SPTAN1: variants seen among roughly 807,000 people sequenced by gnomAD.
The protein encoded by SPTAN1 is spectrin alpha chain, non-erythrocytic 1.
In SPTAN1, 61 loss-of-function variants were observed where a neutral mutation model predicts 331.3. The ratio of observed to expected loss-of-function variants is 0.18; its 90% confidence interval spans 0.15 to 0.23. SPTAN1 has a LOEUF of 0.23. Among genes scored for constraint, SPTAN1 ranks in the 10% least tolerant of loss-of-function variants. SPTAN1 has a pLI of 1.00. For synonymous variants in SPTAN1, 1,153 were observed against 1,173.9 expected (o/e 0.98, Z 0.36); for missense variants, 2,043 against 3,147.9 (o/e 0.65, Z 8.40).
rs1443082606 is a variant in SPTAN1 at position 128,570,324 on chromosome 9, ATATATATTTTTTTTTT to A, written c.363+1429_363+1444del. On this transcript the variant is annotated intron_variant, in intron 3 of 56. Transcript: ENST00000372739. Reference sequence around the variant, plus strand: ...ACAGCTTATATATATATATATATATATATATATTTTTTTTTTTTTTTTTTTTTTTTGAGACGAAGTT... The same window carrying A: ...ACAGCTTATATATATATATATATATATTTTTTTTTTTTTTGAGACGAAGTT... Among the ~76,000 whole-genome samples, 101 of 32,230 alleles carry A rather than the reference ATATATATTTTTTTTTT, an allele frequency of 3.1e-3. 1 individual carries two copies. The highest frequency in any genetic ancestry group is 0.011 in the African/African-American group (99 of 9,134). 21.1% of individuals were successfully genotyped at this position (32,230 alleles called of 152,430 possible).
intron 31 of SPTAN1, among the ~76,000 whole-genome samples, chr9:128,606,788 CTT>C (rs1007069500): frequency 2.6e-5 from 4 of 152,122 alleles, no homozygotes; most frequent in African/African-American, 9.6e-5. Context: ...GCCTGGTTGT[CTT>C]TTTCTTCTTT....
rs752878085 is a variant in SPTAN1 at position 128,633,295 on chromosome 9, C to T, written c.7395C>T (p.Phe2465=). 5.7e-5 allele frequency: 92 copies of T among 1,613,914 alleles called. No homozygotes were observed. The highest frequency in any genetic ancestry group is 1.6e-4 in the East Asian group (7 of 44,888). Reference sequence around the variant, plus strand: ...AGGGCCGCGAGCTCCCCACCGCGTTCGACTACGTGGAGTTCACCCGCTCGC... The same window carrying T: ...AGGGCCGCGAGCTCCCCACCGCGTTTGACTACGTGGAGTTCACCCGCTCGC... ...DGKGRELPTA[F]DYVEFTRSLF... Residue 2465 remains phenylalanine, a synonymous_variant, in exon 57 of 57, where the codon TTC becomes TTT. Transcript: ENST00000372739.
chr9:128,587,713 G>A lies in SPTAN1; in HGVS notation c.2871+15G>A, dbSNP rs771636267. 1.2e-6 allele frequency: 2 copies of A among 1,612,682 alleles called. No homozygotes were observed. Among genetic ancestry groups the A allele is most frequent in the African/African-American group, 2.7e-5 (2 of 74,904 alleles). On this transcript the variant is annotated intron_variant, in intron 20 of 56. Coordinates refer to ENST00000372739, the MANE Select transcript of SPTAN1 (RefSeq NM_001130438.3). Reference sequence around the variant, plus strand: ...AGTCCTGCCGGGTAAACTTGTAACAGTTTATGGGTTACTGGAGGGAGGCCT... The same window carrying A: ...AGTCCTGCCGGGTAAACTTGTAACAATTTATGGGTTACTGGAGGGAGGCCT...
chr9:128,607,795 T>C, intron 32 of SPTAN1, 57 bp from the exon 33 acceptor site: 1 of 1,612,000 alleles, frequency 6.2e-7, no homozygotes, highest in South Asian at 1.1e-5. Flanking sequence ...AGTCGGTGGT[T>C]GACGTCAGAG....
intron 2 of SPTAN1, 100 bp from the exon 3 acceptor site, chr9:128,568,672 G>C (rs1470405471): frequency 6.6e-7 from 1 of 1,526,502 alleles, no homozygotes; most frequent in Non-Finnish European, 9.0e-7. Flanking sequence ...CCTAACTAGA[G>C]GGAGCAGGAT....
chr9:128,586,744 T>C (rs1852691312), intron 19 of SPTAN1, among the ~76,000 whole-genome samples: 1 of 152,170 alleles, frequency 6.6e-6, no homozygotes, highest in Non-Finnish European at 1.5e-5. Context: ...ATTTTATTCA[T>C]AAAGGTCTAG....
Position 128,577,454 on chromosome 9 carries a change from C to G in SPTAN1, c.1033C>G (p.Gln345Glu). The G allele has an allele frequency of 6.2e-7, 1 of 1,614,162 alleles. No individual in the cohort carries two copies. Among genetic ancestry groups the G allele is most frequent in the Non-Finnish European group, 8.5e-7 (1 of 1,180,028 alleles). ...KREELITNWEQIRTLAAERHA... is the reference protein window; with the variant it reads ...KREELITNWEEIRTLAAERHA... ...AGAGGAACTGATTACAAACTGGGAGCAGATCCGCACCTTGGCGGCAGAGAG... is the reference window on the plus strand; with the variant it reads ...AGAGGAACTGATTACAAACTGGGAGGAGATCCGCACCTTGGCGGCAGAGAG... The change falls in exon 8 of 57, where the codon CAG (glutamine) becomes GAG (glutamate). Residue 345 changes from glutamine (Q) to glutamate (E), a missense_variant. Physicochemically the swap from Gln to Glu is conservative, Grantham distance 29 (BLOSUM62 2). Around this residue, in one of 12 missense-constraint regions of SPTAN1, gnomAD observed 1,038 missense variants for 1,531.5 expected, o/e 0.68. Coordinates refer to ENST00000372739, the MANE Select transcript of SPTAN1 (RefSeq NM_001130438.3). This position sits in a 1 kb window ranked among gnomAD's most constrained non-coding sequence, Gnocchi z 4.2.
At chr9:128,574,926 A>G (rs2130969378) in intron 4 of SPTAN1, 111 bp downstream of exon 4, 1 of 1,503,250 alleles carries the variant, frequency 6.7e-7, no homozygotes, top group East Asian at 2.3e-5. Context: ...CATTTTAAGT[A>G]AAAGGGTGGA....
chr9:128,581,025 C>T lies in SPTAN1; in HGVS notation c.1427C>T (p.Thr476Ile). The change falls in exon 11 of 57, where the codon ACT becomes ATT. Residue 476 changes from threonine to isoleucine, a missense_variant. This residue lies in a region of SPTAN1 where 1,038 missense variants were observed against 1,531.5 expected (regional missense o/e 0.68). Coordinates refer to ENST00000372739, the MANE Select transcript of SPTAN1 (RefSeq NM_001130438.3). The stretch of plus-strand genomic sequence containing the variant: ...GACCTGCAGCTCTTCTACCGGGACA[C>T]TGAGCAGGTGGACAACTGGATGAGC... ...CMDLQLFYRD[T>I]EQVDNWMSKQ... 1.2e-6 allele frequency: 2 copies of T among 1,614,128 alleles called. No homozygotes were observed. Among genetic ancestry groups the T allele is most frequent in the South Asian group, 1.1e-5 (1 of 91,084 alleles).
At chr9:128,614,346 C>G (rs1346115520) in intron 40 of SPTAN1, among the ~76,000 whole-genome samples, 2 of 152,090 alleles carry the variant, frequency 1.3e-5, no homozygotes, top group East Asian at 3.9e-4. Context: ...AATCGTAGCA[C>G]TTTGGGAGGC....
Position 128,629,265 on chromosome 9 carries a change from T to G in SPTAN1, c.6708-1056T>G. 2.5e-6 allele frequency: 1 copy of G among 397,856 alleles called. No homozygotes were observed. The highest frequency in any genetic ancestry group is 4.4e-6 in the Non-Finnish European group (1 of 225,672). The allele number at this position is 397,856 out of a possible 1,614,324, so 24.6% of individuals were successfully genotyped here. Reference sequence around the variant, plus strand: ...TTGACATCCCCAGGCGGCTCCACCCTGACTAACCTGCCGCCCTCGGCTGCT... The same window carrying G: ...TTGACATCCCCAGGCGGCTCCACCCGGACTAACCTGCCGCCCTCGGCTGCT... On this transcript the variant is annotated intron_variant, in intron 51 of 56. Transcript: ENST00000372739. The surrounding 1 kb of genome is among the most constrained non-coding windows in gnomAD (Gnocchi z 4.9).
At chr9:128,621,029 C>A in intron 44 of SPTAN1, 129 bp from the exon 45 acceptor site, 1 of 773,094 alleles carries the variant, frequency 1.3e-6, no homozygotes, top group Non-Finnish European at 2.3e-6. Context: ...TTATTATCCT[C>A]TTCCCCAGCT....
intron 25 of SPTAN1, 68 bp from the exon 26 acceptor site, chr9:128,598,895 A>G: frequency 2.8e-6 from 4 of 1,446,954 alleles, no homozygotes; most frequent in South Asian, 2.3e-5. Context: ...AGGTTTGGCC[A>G]TAATAAGTAT....
intron 56 of SPTAN1, 23 bp downstream of exon 56, chr9:128,632,978 G>A (rs965826783): frequency 1.2e-6 from 2 of 1,608,992 alleles, no homozygotes; most frequent in Non-Finnish European, 1.7e-6. Flanking sequence ...GGAGGTGGGT[G>A]AAGAGGTGTC....
chr9:128,616,227 T>G (rs1857152018), intron 41 of SPTAN1, among the ~76,000 whole-genome samples: 1 of 151,962 alleles, frequency 6.6e-6, no homozygotes, highest in South Asian at 2.1e-4. Context: ...AAACATTTTT[T>G]TTTCTGAGAT....
At chr9:128,632,380 A>G (rs2132092784) in intron 53 of SPTAN1, 51 bp from the exon 54 acceptor site, 1 of 1,613,696 alleles carries the variant, frequency 6.2e-7, no homozygotes, top group Non-Finnish European at 8.5e-7. Flanking sequence ...GAAAAGACAC[A>G]GTCACCTGCT....
chr9:128,581,689 T>G, intron 11 of SPTAN1, 93 bp from the exon 12 acceptor site: 1 of 948,322 alleles, frequency 1.1e-6, no homozygotes, highest in Non-Finnish European at 1.7e-6. Context: ...CTTTCCTTCT[T>G]TTTATATTTT....
chr9:128,626,646 G>A lies in SPTAN1; in HGVS notation c.6535G>A (p.Ala2179Thr). 1 of 1,613,352 alleles carries A rather than the reference G, an allele frequency of 6.2e-7. No homozygotes were observed. The highest frequency in any genetic ancestry group is 8.5e-7 in the Non-Finnish European group (1 of 1,179,766). ...CCCCTACACCTGGTTTACCATGGAG[G>A]CCCTGGAGGAGACCTGGAGGAACCT... ...SNPYTWFTME[A>T]LEETWRNLQK... The change falls in exon 49 of 57, where the codon GCC becomes ACC. Residue 2179 changes from alanine (A) to threonine (T), a missense_variant. This residue lies in a region of SPTAN1 where 256 missense variants were observed against 376.4 expected (regional missense o/e 0.68). Transcript: ENST00000372739.
At position 128,580,352 on chromosome 9, in the gene SPTAN1, G is replaced by A. The variant is rs889264503; in HGVS notation, c.1324-570G>A. ...ATTTTATTTTACTTTTTTTATATGT[G>A]TATATATATACACATATGTATATAA... is the stretch of plus-strand genomic sequence containing the variant. On this transcript the variant is annotated intron_variant, in intron 10 of 56. Coordinates refer to ENST00000372739, the MANE Select transcript of SPTAN1 (RefSeq NM_001130438.3). 6.7e-5 allele frequency among the ~76,000 whole-genome samples: 10 copies of A among 150,238 alleles called. No individual in the cohort carries two copies. The South Asian group carries it at 8.4e-4, about 13-fold the overall frequency.
Sources: allele counts gnomAD v4.1 joint callset (sites outside exome capture counted in the v4.1 genomes callset), GRCh38; gene constraint gnomAD v4.1.1; regional missense constraint gnomAD v4.1.1; non-coding constraint Gnocchi (gnomAD v3.1); transcripts MANE v1.5; gene names NCBI Gene and HGNC (gene_info 2026-07-23, HGNC 2026-07-21).